OGDHL: variants seen among roughly 807,000 people sequenced by gnomAD.
The protein encoded by OGDHL is oxoglutarate dehydrogenase L.
OGDHL carries 79 observed loss-of-function variants against 109.6 expected under a neutral mutation model. The observed-to-expected ratio is 0.72, with a 90% CI of 0.60 to 0.87. OGDHL has a LOEUF of 0.87. OGDHL is among the 40% of genes least tolerant of loss of function. The pLI, the probability that OGDHL is intolerant of heterozygous loss-of-function variation, is 0.00. For missense variants in OGDHL, 1,275 were observed against 1,362.2 expected (o/e 0.94, Z 1.01); for synonymous variants, 528 against 537.2 (o/e 0.98, Z 0.24).
intron 4 of OGDHL, 84 bp from the exon 5 acceptor site, chr10:49,752,332 A>G (rs1485431765): frequency 7.0e-6 from 7 of 1,003,624 alleles, no homozygotes; most frequent in Non-Finnish European, 1.1e-5. Flanking sequence ...CAGTCTCACC[A>G]GACCTCCCAG....
At chr10:49,740,970 A>C (rs1841610771) in intron 15 of OGDHL, 133 bp from the exon 16 acceptor site, 2 of 1,138,370 alleles carry the variant, frequency 1.8e-6, no homozygotes, top group Admixed American at 4.1e-5. Context: ...GGGTCCCACA[A>C]CATGGCATCC....
At chr10:49,739,486 A>G in intron 17 of OGDHL, 175 bp downstream of exon 17, 1 of 679,318 alleles carries the variant, frequency 1.5e-6, no homozygotes. Context: ...GGGTAGCATC[A>G]TCGTCTCAGC....
At chr10:49,757,239 G>A (rs977688524) in intron 2 of OGDHL, among the ~76,000 whole-genome samples, 1 of 152,212 alleles carries the variant, frequency 6.6e-6, no homozygotes, top group Non-Finnish European at 1.5e-5. Context: ...CAGTATTGTG[G>A]ACATGGAATA....
chr10:49,740,229 G>T (rs1333739712), intron 16 of OGDHL, among the ~76,000 whole-genome samples: 1 of 152,136 alleles, frequency 6.6e-6, no homozygotes, highest in East Asian at 1.9e-4. Flanking sequence ...GTGAGGACGA[G>T]GTGAGCCAGC....
intron 20 of OGDHL, among the ~76,000 whole-genome samples, chr10:49,737,043 G>A (rs961267512): frequency 3.3e-5 from 5 of 152,136 alleles, no homozygotes; most frequent in Non-Finnish European, 4.4e-5. Context: ...CTCTCAGGAA[G>A]CTACTGTAGT....
chr10:49,749,855 C>G, intron 7 of OGDHL, 39 bp from the exon 8 acceptor site: 1 of 1,538,496 alleles, frequency 6.5e-7, no homozygotes, highest in Non-Finnish European at 8.8e-7. Context: ...TGGCAAAGCC[C>G]GCAGGCCTCA....
At position 49,758,422 on chromosome 10, in the gene OGDHL, G is replaced by T. The variant is rs777478560; in HGVS notation, c.171C>A (p.Phe57Leu). 1.9e-5 allele frequency: 30 copies of T among 1,613,582 alleles called. No individual in the cohort carries two copies. The highest frequency in any genetic ancestry group is 8.5e-7 in the Non-Finnish European group (1 of 1,179,980). ...GGSSYMEEMY[F>L]AWLENPQSVH... Reference sequence around the variant, plus strand: ...CACTCTGGGGGTTTTCCAACCAGGCGAAGTACATCTCCTCCATGTAACTGG... The same window carrying T: ...CACTCTGGGGGTTTTCCAACCAGGCTAAGTACATCTCCTCCATGTAACTGG... The change falls in exon 2 of 23, where the codon TTC becomes TTA. Residue 57 changes from phenylalanine to leucine, a missense_variant. By Grantham distance (22) the Phe-to-Leu change is conservative (BLOSUM62 0). Transcript: ENST00000374103.
At chr10:49,738,348 G>A (rs1336616753) in intron 17 of OGDHL, 86 bp from the exon 18 acceptor site, 3 of 1,446,962 alleles carry the variant, frequency 2.1e-6, no homozygotes, top group Non-Finnish European at 1.9e-6. Flanking sequence ...TCAGGGGAAA[G>A]TCTGGAGGGC....
At chr10:49,744,266 C>G in intron 13 of OGDHL, 144 bp from the exon 14 acceptor site, 1 of 1,035,044 alleles carries the variant, frequency 9.7e-7, no homozygotes, top group African/African-American at 1.6e-5. Context: ...CCCTTGGGAC[C>G]TGGGACAGCT....
intron 1 of OGDHL, among the ~76,000 whole-genome samples, chr10:49,759,380 T>TGGAAGCCCACCCAGACC (rs1262686596): frequency 6.6e-6 from 1 of 151,986 alleles, no homozygotes; most frequent in Non-Finnish European, 1.5e-5. Flanking sequence ...AGGTACAGAC[T>TGGAAGCCCACCCAGACC]GGAAGCCCAC....
In OGDHL at chr10:49,747,170, A is replaced by G; in HGVS notation, c.1026T>C (p.His342=). The stretch of plus-strand genomic sequence containing the variant: ...GGTTGGTGACGCGGTTGATCCTCTC[A>G]TGGTACATGCCCAGGTGGTACTTGA... ...GDVKYHLGMY[H]ERINRVTNRN... The change falls in exon 9 of 23, where the codon CAT becomes CAC. Residue 342 remains histidine, a synonymous_variant. Coordinates refer to ENST00000374103, the MANE Select transcript of OGDHL (RefSeq NM_018245.3). 8 of 1,614,142 alleles carry G rather than the reference A, an allele frequency of 5.0e-6. No individual in the cohort carries two copies. The highest frequency in any genetic ancestry group is 6.8e-6 in the Non-Finnish European group (8 of 1,179,988).
chr10:49,745,545 C>A, intron 11 of OGDHL, 49 bp from the exon 12 acceptor site: 1 of 1,606,476 alleles, frequency 6.2e-7, no homozygotes, highest in South Asian at 1.1e-5. Context: ...GCTGTGTGGT[C>A]AATGTAGCTG....
chr10:49,745,269 G>A, intron 12 of OGDHL, 75 bp downstream of exon 12: 1 of 1,558,438 alleles, frequency 6.4e-7, no homozygotes, highest in Non-Finnish European at 8.7e-7. Context: ...GCACTGGGCT[G>A]GTAACATCTA....
chr10:49,743,832 C>T, intron 14 of OGDHL, 162 bp downstream of exon 14: 1 of 807,182 alleles, frequency 1.2e-6, no homozygotes, highest in African/African-American at 1.7e-5. Context: ...AAAAGAGCTA[C>T]TGTCACGGGC....
Position 49,736,419 on chromosome 10 carries a change from G to C in OGDHL, c.2692C>G (p.Leu898Val), listed in dbSNP as rs1284313210. 6.2e-7 allele frequency: 1 copy of C among 1,614,156 alleles called. No individual in the cohort carries two copies. Among genetic ancestry groups the C allele is most frequent in the Non-Finnish European group, 8.5e-7 (1 of 1,180,040 alleles). Residue 898 changes from leucine to valine, a missense_variant, in exon 21 of 23, where the codon CTG becomes GTG. Leu to Val is a conservative substitution (Grantham distance 32, BLOSUM62 1). Transcript: ENST00000374103. ...TCCTGGCTGCTCCGCTCCTTCACCA[G>C]GTCATAGTACACCTTTCCCGTGCAG... ...IFCTGKVYYD[L>V]VKERSSQDLE...
intron 2 of OGDHL, among the ~76,000 whole-genome samples, chr10:49,757,177 G>A (rs1006311072): frequency 2.6e-5 from 4 of 152,182 alleles, no homozygotes; most frequent in African/African-American, 7.2e-5. Flanking sequence ...GCTAAATAAC[G>A]ATTTTACATT....
chr10:49,755,041 C>G (rs983929805), intron 3 of OGDHL, among the ~76,000 whole-genome samples: 42 of 152,108 alleles, frequency 2.8e-4, no homozygotes, highest in African/African-American at 9.9e-4. Flanking sequence ...GTCAGGAATT[C>G]AAGACCAGCC....
intron 8 of OGDHL, among the ~76,000 whole-genome samples, chr10:49,749,079 C>T (rs1842408226): frequency 1.3e-5 from 2 of 152,282 alleles, no homozygotes; most frequent in East Asian, 3.9e-4. Context: ...CGTGGTGGCG[C>T]ATGCCTGTAA....
In OGDHL at chr10:49,758,540, A is replaced by G; in HGVS notation, c.53T>C (p.Leu18Pro). 1.2e-6 allele frequency: 2 copies of G among 1,613,904 alleles called. No homozygotes were observed. The highest frequency in any genetic ancestry group is 8.5e-7 in the Non-Finnish European group (1 of 1,180,024). Residue 18 changes from leucine (L) to proline (P), a missense_variant, in exon 2 of 23, where the codon CTC (leucine) becomes CCC (proline). Leu to Pro is a moderately conservative substitution (Grantham distance 98). Transcript: ENST00000374103. ...PSRLGVQAAR[L>P]LAAHDVPVFG... is the part of the protein sequence containing the mutation. ...CACCGGGACGTCATGTGCAGCCAGG[A>G]GCCTCGCAGCCTGTACCCCAAGACG...
Sources: gnomAD v4.1 joint callset for allele counts (sites outside exome capture counted in the v4.1 genomes callset) on GRCh38, gnomAD v4.1.1 for gene constraint, MANE v1.5 for transcripts, NCBI Gene and HGNC (gene_info 2026-07-23, HGNC 2026-07-21) for gene names.